PPP2R5E: variants seen among roughly 807,000 people sequenced by gnomAD.
The protein encoded by PPP2R5E is serine/threonine-protein phosphatase 2A 56 kDa regulatory subunit epsilon isoform.
Under a neutral mutation model 65.3 loss-of-function variants are expected in PPP2R5E, and 4 were observed. The ratio of observed to expected loss-of-function variants is 0.06; its 90% CI spans 0.03 to 0.14. PPP2R5E has a LOEUF of 0.14. PPP2R5E is among the 10% of genes least tolerant of loss of function. The pLI is 1.00. For missense variants in PPP2R5E, 274 were observed against 556.1 expected, an observed-to-expected ratio of 0.49 and a Z score of 5.10; for synonymous variants, 183 against 187.4, an observed-to-expected ratio of 0.98 and a Z score of 0.19.
chr14:63,537,213 A>G (rs1893698730), intron 2 of PPP2R5E, among the ~76,000 whole-genome samples: 1 of 150,228 alleles, frequency 6.7e-6, no homozygotes, highest in Non-Finnish European at 1.5e-5. Context: ...AATTAGTGTA[A>G]GTTTTTAAAT....
At chr14:63,537,878 C>T (rs1276871785) in intron 2 of PPP2R5E, among the ~76,000 whole-genome samples, 2 of 152,160 alleles carry the variant, frequency 1.3e-5, no homozygotes, top group Admixed American at 1.3e-4. Flanking sequence ...ACTATAAAAG[C>T]TATGTTCTGA....
At chr14:63,381,723 G>C (rs757580222) in intron 13 of PPP2R5E, among the ~76,000 whole-genome samples, 1 of 152,156 alleles carries the variant, frequency 6.6e-6, no homozygotes, top group Non-Finnish European at 1.5e-5. Flanking sequence ...GGTTGAAAAA[G>C]GCCTACTGCC....
intron 3 of PPP2R5E, among the ~76,000 whole-genome samples, chr14:63,430,381 A>ACATACATACATACATACATG (rs1394127498): frequency 2.3e-5 from 3 of 133,036 alleles, no homozygotes; most frequent in East Asian, 2.9e-4. Context: ...ATGCATGCAT[A>ACATACATACATACATACATG]CATACATACA....
intron 3 of PPP2R5E, among the ~76,000 whole-genome samples, chr14:63,443,965 C>T (rs932585237): frequency 6.6e-6 from 1 of 152,170 alleles, no homozygotes; most frequent in East Asian, 1.9e-4. Flanking sequence ...AAACAGTCTC[C>T]TAATTGATTC....
intron 2 of PPP2R5E, among the ~76,000 whole-genome samples, chr14:63,506,838 G>A (rs1040409408): frequency 6.6e-6 from 1 of 152,116 alleles, no homozygotes; most frequent in Non-Finnish European, 1.5e-5. Flanking sequence ...CACTAAAATT[G>A]TACATGAATG....
intron 2 of PPP2R5E, among the ~76,000 whole-genome samples, chr14:63,492,046 A>G (rs1891308569): frequency 6.6e-6 from 1 of 152,084 alleles, no homozygotes; most frequent in Non-Finnish European, 1.5e-5. Context: ...TCCACTCCCT[A>G]GGCCCTGGAA....
chr14:63,474,673 CAAAAAAAAA>C (rs1157357885), intron 2 of PPP2R5E, among the ~76,000 whole-genome samples: 11 of 27,726 alleles, frequency 4.0e-4, no homozygotes, highest in East Asian at 3.8e-3. Flanking sequence ...TACCCCATCT[CAAAAAAAAA>C]AAAAAAAAAA....
rs111643464 is a variant in PPP2R5E at position 63,380,165 on chromosome 14, G to A, written c.1304+1891C>T. ...TTCAATATTCTTGATGAGATTCTAC[G>A]GATTTAATCCTGGTTCAACTAGGAT... On this transcript the variant is annotated intron_variant, in intron 13 of 13. Coordinates refer to ENST00000337537, the MANE Select transcript of PPP2R5E (RefSeq NM_006246.5). 9.3e-3 allele frequency among the ~76,000 whole-genome samples: 1,417 copies of A among 151,862 alleles called. 23 individuals carry two copies. The highest frequency in any genetic ancestry group is 0.033 in the African/African-American group (1,361 of 41,408).
chr14:63,499,830 T>G (rs1457461652), intron 2 of PPP2R5E, among the ~76,000 whole-genome samples: 1 of 152,202 alleles, frequency 6.6e-6, no homozygotes, highest in East Asian at 1.9e-4. Context: ...ATGAGGAAAC[T>G]GGCCCAAAGA....
intron 2 of PPP2R5E, among the ~76,000 whole-genome samples, chr14:63,524,024 T>C (rs1236553480): frequency 6.6e-6 from 1 of 152,194 alleles, no homozygotes; most frequent in Non-Finnish European, 1.5e-5. Context: ...CAGATATTGT[T>C]TCCTGGGGGC....
intron 2 of PPP2R5E, among the ~76,000 whole-genome samples, chr14:63,506,360 A>G (rs1343237625): frequency 6.6e-6 from 1 of 152,172 alleles, no homozygotes; most frequent in East Asian, 1.9e-4. Context: ...CTGAGGCAGG[A>G]GAATGGCGTG....
intron 2 of PPP2R5E, among the ~76,000 whole-genome samples, chr14:63,522,331 A>G (rs1221292571): frequency 3.4e-4 from 52 of 151,196 alleles, no homozygotes; most frequent in Admixed American, 3.1e-3. Flanking sequence ...TGGCCTCCCA[A>G]AGTGCCGAGA....
chr14:63,461,243 G>C lies in PPP2R5E; in HGVS notation c.158-7358C>G, dbSNP rs369858670. 4.6e-5 allele frequency among the ~76,000 whole-genome samples: 7 copies of C among 152,054 alleles called. No homozygotes were observed. The East Asian group carries it at 1.4e-3, about 29-fold the overall frequency. On this transcript the variant is annotated intron_variant, in intron 2 of 13. Transcript: ENST00000337537. ...ATGAGGAATTCCTAGAGCTTGACAG[G>C]CTATACTAAAAAAGAGCTGCAAGAA... is the stretch of plus-strand genomic sequence containing the variant.
intron 11 of PPP2R5E, among the ~76,000 whole-genome samples, chr14:63,386,950 G>T (rs1354385193): frequency 1.3e-5 from 2 of 150,374 alleles, no homozygotes; most frequent in East Asian, 4.0e-4. Context: ...AGAAAGAAAT[G>T]TAACATAGGC....
chr14:63,398,683 G>C (rs569493123), intron 5 of PPP2R5E, among the ~76,000 whole-genome samples: 1 of 152,100 alleles, frequency 6.6e-6, no homozygotes, highest in Non-Finnish European at 1.5e-5. Flanking sequence ...CCAGGTATTC[G>C]GGAGGCTGAG....
intron 5 of PPP2R5E, among the ~76,000 whole-genome samples, chr14:63,413,173 G>A (rs969060680): frequency 3.3e-5 from 5 of 152,154 alleles, no homozygotes; most frequent in African/African-American, 1.2e-4. Context: ...CGTATTATAA[G>A]TTTCATTATC....
At chr14:63,441,222 C>G (rs8018307) in intron 3 of PPP2R5E, among the ~76,000 whole-genome samples, 40,000 of 152,054 alleles carry the variant, frequency 0.26, 6,122 homozygotes, top group African/African-American at 0.42. Context: ...TTAGTACACA[C>G]CTTTGTGAAG....
chr14:63,376,754 A>C (rs2139726549), intron 13 of PPP2R5E, among the ~76,000 whole-genome samples: 1 of 152,366 alleles, frequency 6.6e-6, no homozygotes, highest in African/African-American at 2.4e-5. Context: ...ACATCAACCA[A>C]GTAGGAAGTA....
intron 5 of PPP2R5E, among the ~76,000 whole-genome samples, chr14:63,413,960 C>T (rs745826806): frequency 2.0e-5 from 3 of 152,116 alleles, no homozygotes; most frequent in Admixed American, 6.5e-5. Flanking sequence ...ACTAATGAGC[C>T]GCACAGGCAA....
Sources: gnomAD v4.1 joint callset for allele counts (sites outside exome capture counted in the v4.1 genomes callset) on GRCh38, gnomAD v4.1.1 for gene constraint, MANE v1.5 for transcripts, NCBI Gene and HGNC (gene_info 2026-07-23, HGNC 2026-07-21) for gene names.